Variants in DNAH7 observed in about 807,000 individuals in gnomAD.
The protein encoded by DNAH7 is dynein axonemal heavy chain 7, also known as axonemal beta dynein heavy chain 7.
DNAH7 carries 397 observed loss-of-function variants against 444.6 expected under a neutral mutation model. The ratio of observed to expected loss-of-function variants is 0.89; its 90% CI spans 0.82 to 0.97. The LOEUF is 0.97. Among genes scored for constraint, DNAH7 ranks in the 50% least tolerant of loss-of-function variants. The probability of loss-of-function intolerance (pLI) is 0.00; values close to 1 mark genes in which losing one functional copy is unlikely to be tolerated. For synonymous variants in DNAH7, 1,636 were observed against 1,624.4 expected (o/e 1.01, Z -0.17); for missense variants, 4,902 against 4,800.8 (o/e 1.02, Z -0.62).
Position 195,771,667 on chromosome 2 carries a change from G to C in DNAH7, c.11426C>G (p.Ala3809Gly). 6.2e-7 allele frequency: 1 copy of C among 1,611,006 alleles called. No individual in the cohort carries two copies. Among genetic ancestry groups the C allele is most frequent in the Non-Finnish European group, 8.5e-7 (1 of 1,177,342 alleles). Residue 3809 changes from alanine (A) to glycine (G), a missense_variant, in exon 61 of 65, where the codon GCA becomes GGA. Transcript: ENST00000312428. ...TGGTGTTTTTCACCTTACCTTGATT[G>C]CTTTTTGAATATTTACGCACGAATC... ...IRDSCVNIQK[A>G]IKGLAVMSTD...
chr2:195,756,055 TCATTA>T (rs1694054817), intron 62 of DNAH7, 73 bp downstream of exon 62: 3 of 1,445,272 alleles, frequency 2.1e-6, no homozygotes, highest in Non-Finnish European at 2.8e-6. Flanking sequence ...AGAGTAATAC[TCATTA>T]CATTAAGCAT....
intron 36 of DNAH7, among the ~76,000 whole-genome samples, chr2:195,880,795 A>G (rs1035692764): frequency 3.9e-5 from 6 of 152,248 alleles, no homozygotes; most frequent in African/African-American, 1.4e-4. Context: ...AAAGCAGATT[A>G]CAGAAGTAAG....
At chr2:195,876,774 T>C in intron 36 of DNAH7, 75 bp from the exon 37 acceptor site, 1 of 1,009,076 alleles carries the variant, frequency 9.9e-7, no homozygotes, top group South Asian at 1.5e-5. Context: ...CTAAGCATCA[T>C]TACTGATAGA....
At chr2:195,766,718 TG>T (rs1184803020) in intron 61 of DNAH7, among the ~76,000 whole-genome samples, 4 of 152,168 alleles carry the variant, frequency 2.6e-5, no homozygotes, top group African/African-American at 9.7e-5. Flanking sequence ...AAAGGATCCA[TG>T]TTTGAGGTGA....
chr2:195,990,891 T>TTAAATA (rs1468265689), intron 12 of DNAH7, among the ~76,000 whole-genome samples: 2 of 129,232 alleles, frequency 1.5e-5, no homozygotes, highest in African/African-American at 6.2e-5. Context: ...ACATATATAC[T>TTAAATA]TATATACATA....
intron 48 of DNAH7, among the ~76,000 whole-genome samples, chr2:195,831,383 T>C (rs973454593): frequency 6.6e-6 from 1 of 152,222 alleles, no homozygotes; most frequent in Non-Finnish European, 1.5e-5. Flanking sequence ...AGCAGGCAGC[T>C]GACGCAGGCA....
Position 195,867,910 on chromosome 2 carries a change from T to C in DNAH7, c.6634-2889A>G, listed in dbSNP as rs191677282. ...TAATATTCATGTACAAGTTTTTGCA[T>C]GGACATGTATCAGTTCTTCTGGGTC... On this transcript the variant is annotated intron_variant, in intron 40 of 64. Coordinates refer to ENST00000312428, the MANE Select transcript of DNAH7 (RefSeq NM_018897.3). Among the ~76,000 whole-genome samples the C allele has an allele frequency of 1.2e-4, 19 of 152,268 alleles. No homozygotes were observed. In the East Asian group the frequency reaches 3.5e-3, roughly 28 times the overall value.
At chr2:195,932,585 T>C (rs1313023643) in intron 21 of DNAH7, among the ~76,000 whole-genome samples, 4 of 152,130 alleles carry the variant, frequency 2.6e-5, no homozygotes, top group Non-Finnish European at 4.4e-5. Flanking sequence ...TGGGATGATA[T>C]ACATCCCATC....
rs1438159132 is a variant in DNAH7 at position 195,834,349 on chromosome 2, C to A, written c.8957G>T (p.Arg2986Met). Reference sequence around the variant, plus strand: ...TTGAGGATCTATCATCAGAGGCCACCTTCTTGCATTCCTGAAAAGGAGGAG... The same window carrying A: ...TTGAGGATCTATCATCAGAGGCCACATTCTTGCATTCCTGAAAAGGAGGAG... ...DNGIIIMNARRWPLMIDPQSQ... is the reference protein window; with the variant it reads ...DNGIIIMNARMWPLMIDPQSQ... Residue 2986 changes from arginine to methionine, a missense_variant, in exon 48 of 65, where the codon AGG (arginine) becomes ATG (methionine). By Grantham distance (91) the Arg-to-Met change is moderately conservative (BLOSUM62 -1). Coordinates refer to ENST00000312428, the MANE Select transcript of DNAH7 (RefSeq NM_018897.3). 2 of 1,591,644 alleles carry A rather than the reference C, an allele frequency of 1.3e-6. No individual in the cohort carries two copies. Among genetic ancestry groups the A allele is most frequent in the Non-Finnish European group, 1.7e-6 (2 of 1,163,312 alleles).
At chr2:195,994,839 T>C (rs1233715500) in intron 12 of DNAH7, 1 of 437,024 alleles carries the variant, frequency 2.3e-6, no homozygotes, top group African/African-American at 2.1e-5. Flanking sequence ...ATTTTTTCTC[T>C]TCCTGACTGA....
In DNAH7 at chr2:196,048,204, T is replaced by C; in HGVS notation, c.250+92A>G. 4 of 1,138,442 alleles carry C rather than the reference T, an allele frequency of 3.5e-6. No individual in the cohort carries two copies. In the East Asian group the frequency reaches 7.4e-5, roughly 21 times the overall value. 70.5% of individuals were successfully genotyped at this position (1,138,442 alleles called of 1,614,324 possible). The stretch of plus-strand genomic sequence containing the variant: ...CTACTTGACATTAATGTCATTCAGG[T>C]TTTGTACTTCTATTACACTATTAAC... On this transcript the variant is annotated intron_variant, in intron 4 of 64. Coordinates refer to ENST00000312428, the MANE Select transcript of DNAH7 (RefSeq NM_018897.3).
At chr2:195,822,046 C>T (rs1697499097) in intron 49 of DNAH7, among the ~76,000 whole-genome samples, 1 of 152,110 alleles carries the variant, frequency 6.6e-6, no homozygotes, top group Admixed American at 6.5e-5. Flanking sequence ...CCATGGAGGC[C>T]ACTAACTATA....
At position 195,886,250 on chromosome 2, in the gene DNAH7, G is replaced by C. The variant is rs1482532765; in HGVS notation, c.5429C>G (p.Thr1810Arg). The C allele has an allele frequency of 3.1e-6, 5 of 1,612,134 alleles. No homozygotes were observed. Among genetic ancestry groups the C allele is most frequent in the Admixed American group, 1.7e-5 (1 of 59,772 alleles). Residue 1810 changes from threonine to arginine, a missense_variant, in exon 34 of 65, where the codon ACA (threonine) becomes AGA (arginine). Thr to Arg is a moderately conservative substitution (Grantham distance 71). Transcript: ENST00000312428. ...HTKELSPTSD[T>R]NLVRSLMNLI... ...ATTCATTAAGGACCGGACCAAGTTT[G>C]TATCGGAAGTAGGAGATAATTCCTG...
intron 24 of DNAH7, among the ~76,000 whole-genome samples, chr2:195,912,115 CGTAA>C (rs1451456376): frequency 5.3e-5 from 8 of 152,026 alleles, no homozygotes; most frequent in Non-Finnish European, 1.0e-4. Flanking sequence ...ATAAGAAGAC[CGTAA>C]GTGAGTGATC....
intron 15 of DNAH7, among the ~76,000 whole-genome samples, chr2:195,976,945 C>G (rs1437135336): frequency 1.3e-5 from 2 of 152,174 alleles, no homozygotes; most frequent in African/African-American, 4.8e-5. Context: ...TCCCTTAATG[C>G]AGACACAGAA....
chr2:195,985,326 G>A (rs1307841309), intron 14 of DNAH7, among the ~76,000 whole-genome samples: 1 of 152,218 alleles, frequency 6.6e-6, no homozygotes. Context: ...ATGGGTTAAA[G>A]TCTGGGGCTG....
In DNAH7 at chr2:195,864,410, C is replaced by T. The variant is rs377168054; in HGVS notation, c.7245G>A (p.Leu2415=). The stretch of plus-strand genomic sequence containing the variant: ...GATTTGGAATCTCCCCAGCATTTAG[C>T]AGATTACTGACATCTTCCAGAAAAG... ...EESFLEDVSN[L]LNAGEIPNLF... The change falls in exon 41 of 65, where the codon CTG becomes CTA. Residue 2415 remains leucine, a synonymous_variant. Transcript: ENST00000312428. The T allele has an allele frequency of 3.7e-6, 6 of 1,614,050 alleles. No individual in the cohort carries two copies. The African/African-American group carries it at 8.0e-5, about 22-fold the overall frequency.
At chr2:195,816,536 T>G in intron 51 of DNAH7, 92 bp downstream of exon 51, 1 of 934,958 alleles carries the variant, frequency 1.1e-6, no homozygotes, top group Non-Finnish European at 1.6e-6. Flanking sequence ...CTGTAATGCT[T>G]GTACCACTCT....
intron 28 of DNAH7, among the ~76,000 whole-genome samples, chr2:195,898,717 CAG>C (rs1300512106): frequency 1.3e-5 from 2 of 152,160 alleles, no homozygotes; most frequent in Non-Finnish European, 2.9e-5. Flanking sequence ...GCAAGTTCCA[CAG>C]AGAGAGTGGA....
Sources: allele counts gnomAD v4.1 joint callset (sites outside exome capture counted in the v4.1 genomes callset), GRCh38; gene constraint gnomAD v4.1.1; transcripts MANE v1.5; gene names NCBI Gene and HGNC (gene_info 2026-07-23, HGNC 2026-07-21).